The following ADGRA3 variants were observed in gnomAD, a reference collection of about 807,000 sequenced individuals.
ADGRA3 encodes the protein adhesion G protein-coupled receptor A3.
ADGRA3 carries 56 observed loss-of-function variants against 119.8 expected under a neutral mutation model. That is an observed-to-expected ratio of 0.47 (90% CI 0.38 to 0.58). The LOEUF is 0.58. ADGRA3 is among the 20% of genes least tolerant of loss of function. The pLI is 0.00. For synonymous variants in ADGRA3, 607 were observed against 623.8 expected (o/e 0.97, Z 0.40); for missense variants, 1,516 against 1,649.0 (o/e 0.92, Z 1.40).
chr4:22,468,693 TG>T (rs1458589021), intron 2 of ADGRA3, among the ~76,000 whole-genome samples: 1 of 151,014 alleles, frequency 6.6e-6, no homozygotes, highest in Non-Finnish European at 1.5e-5. Flanking sequence ...CGCTTGAACT[TG>T]GGAGGTGGAA....
At position 22,388,459 on chromosome 4, in the gene ADGRA3, T is replaced by G. The variant is rs1713946344; in HGVS notation, c.3212A>C (p.Gln1071Pro). The change falls in exon 19 of 19, where the codon CAA becomes CCA. Residue 1071 changes from glutamine to proline, a missense_variant. Physicochemically the swap from Gln to Pro is moderately conservative, Grantham distance 76. Transcript: ENST00000334304. ...AGAGTTGGGGGGCTGGACGTTGACT[T>G]GCACTGAATACGAGCTCCGTCCTGG... is the stretch of plus-strand genomic sequence containing the variant. The part of the protein sequence containing the change: ...CCPGRSSYSV[Q>P]VNVQPPNSNG... The G allele has an allele frequency of 1.2e-6, 2 of 1,613,960 alleles. No homozygotes were observed. The highest frequency in any genetic ancestry group is 8.5e-7 in the Non-Finnish European group (1 of 1,180,020).
At chr4:22,487,360 A>G (rs556592976) in intron 1 of ADGRA3, among the ~76,000 whole-genome samples, 1 of 152,282 alleles carries the variant, frequency 6.6e-6, no homozygotes, top group South Asian at 2.1e-4. Context: ...AGATTCTCAT[A>G]AAGAGCATGC....
chr4:22,408,762 T>A (rs1715060103), intron 14 of ADGRA3, among the ~76,000 whole-genome samples: 1 of 152,192 alleles, frequency 6.6e-6, no homozygotes, highest in Non-Finnish European at 1.5e-5. Flanking sequence ...ATGGAAAGCC[T>A]ACAATCTAGC....
intron 10 of ADGRA3, among the ~76,000 whole-genome samples, chr4:22,432,912 CAATTT>C (rs1425601942): frequency 2.0e-5 from 3 of 152,072 alleles, no homozygotes; most frequent in African/African-American, 7.2e-5. Context: ...ATACAAAAAT[CAATTT>C]AATTAATTAT....
chr4:22,509,691 T>C (rs748853208), intron 1 of ADGRA3, among the ~76,000 whole-genome samples: 8 of 151,814 alleles, frequency 5.3e-5, no homozygotes, highest in Non-Finnish European at 1.0e-4. Flanking sequence ...TGGGACAAGA[T>C]GGAGACTCAG....
chr4:22,405,086 G>T (rs7679885), intron 14 of ADGRA3, among the ~76,000 whole-genome samples: 120,462 of 151,952 alleles, frequency 0.79, 47,923 homozygotes, highest in East Asian at 0.96. Context: ...TCTTAGGGGG[G>T]TTGGAGAAGG....
intron 3 of ADGRA3, 87 bp downstream of exon 3, chr4:22,461,650 G>A: frequency 1.1e-6 from 1 of 942,634 alleles, no homozygotes; most frequent in Non-Finnish European, 1.6e-6. Context: ...ATTATTAAAT[G>A]TCCATTTTTC....
intron 1 of ADGRA3, among the ~76,000 whole-genome samples, chr4:22,513,143 CTTT>C (rs142313161): frequency 3.0e-5 from 4 of 133,486 alleles, no homozygotes; most frequent in Non-Finnish European, 4.7e-5. Flanking sequence ...CAACTTTCCT[CTTT>C]TTTTTTTTTT....
At chr4:22,439,989 G>A (rs981890528) in intron 7 of ADGRA3, among the ~76,000 whole-genome samples, 70 of 152,092 alleles carry the variant, frequency 4.6e-4, no homozygotes, top group African/African-American at 1.7e-3. Context: ...AATTTTTATT[G>A]TATTCTTAAA....
chr4:22,402,523 C>A, intron 15 of ADGRA3, 152 bp downstream of exon 15: 1 of 683,062 alleles, frequency 1.5e-6, no homozygotes. Flanking sequence ...TTTCTAATGG[C>A]ATGAAATGAA....
At chr4:22,398,369 T>C (rs1049184417) in intron 16 of ADGRA3, among the ~76,000 whole-genome samples, 2 of 152,090 alleles carry the variant, frequency 1.3e-5, no homozygotes, top group Non-Finnish European at 2.9e-5. Context: ...GTCTAATGAG[T>C]GGGCCCAGCA....
intron 12 of ADGRA3, among the ~76,000 whole-genome samples, chr4:22,414,906 A>G (rs1715369880): frequency 6.6e-6 from 1 of 152,172 alleles, no homozygotes; most frequent in Non-Finnish European, 1.5e-5. Context: ...CGGAAAGTGG[A>G]TTAGAATGAA....
chr4:22,481,773 C>T (rs1718268850), intron 1 of ADGRA3, among the ~76,000 whole-genome samples: 1 of 152,154 alleles, frequency 6.6e-6, no homozygotes, highest in Non-Finnish European at 1.5e-5. Flanking sequence ...TCTGTAAAAC[C>T]TAAAATATTT....
Position 22,413,805 on chromosome 4 carries a change from C to T in ADGRA3, c.1819G>A (p.Val607Met), listed in dbSNP as rs750591769. Residue 607 changes from valine to methionine, a missense_variant, in exon 13 of 19, where the codon GTG (valine) becomes ATG (methionine). Coordinates refer to ENST00000334304, the MANE Select transcript of ADGRA3 (RefSeq NM_145290.4). ...GGAGGAAGCTGAATAGAAGCCTCCA[C>T]AATAGTATTCTGAAAAAATATATAT... ...FSSLALKNTI[V>M]EASIQLPPSL... 5.6e-6 allele frequency: 9 copies of T among 1,601,326 alleles called. No homozygotes were observed. Among genetic ancestry groups the T allele is most frequent in the Non-Finnish European group, 7.7e-6 (9 of 1,175,454 alleles).
chr4:22,413,174 T>C lies in ADGRA3; in HGVS notation c.2232+8A>G, dbSNP rs1715283743. ...AGTGTTTATGCATAAAGTTAACAAC[T>C]GCCATACCATTAAAACTGCATAGTT... On this transcript the variant is annotated splice_region_variant and intron_variant, in intron 14 of 18. Coordinates refer to ENST00000334304, the MANE Select transcript of ADGRA3 (RefSeq NM_145290.4). 1 of 1,594,950 alleles carries C rather than the reference T, an allele frequency of 6.3e-7. No individual in the cohort carries two copies. The highest frequency in any genetic ancestry group is 1.3e-5 in the African/African-American group (1 of 74,576).
At chr4:22,496,560 C>T (rs996572888) in intron 1 of ADGRA3, among the ~76,000 whole-genome samples, 1 of 152,106 alleles carries the variant, frequency 6.6e-6, no homozygotes, top group Non-Finnish European at 1.5e-5. Context: ...TCCTGGGAAC[C>T]GCTATTAGAA....
Position 22,424,368 on chromosome 4 carries a change from G to GAAAAAAA in ADGRA3, c.1444-17_1444-16insTTTTTTT. ...CGTCACCTAGCTAGCAGGGGTTCAG[G>GAAAAAAA]AGAAAAAAGAAAGATCTTTAAAACC... On this transcript the variant is annotated splice_polypyrimidine_tract_variant and intron_variant, in intron 10 of 18. Coordinates refer to ENST00000334304, the MANE Select transcript of ADGRA3 (RefSeq NM_145290.4). The GAAAAAAA allele has an allele frequency of 6.2e-7, 1 of 1,602,704 alleles. No individual in the cohort carries two copies. Among genetic ancestry groups the GAAAAAAA allele is most frequent in the Admixed American group, 1.7e-5 (1 of 58,008 alleles).
intron 16 of ADGRA3, among the ~76,000 whole-genome samples, chr4:22,395,401 T>C (rs1445552428): frequency 6.6e-6 from 1 of 152,214 alleles, no homozygotes; most frequent in Admixed American, 6.5e-5. Flanking sequence ...AATTAAAATA[T>C]TAACAGCTTC....
chr4:22,388,153 T>G lies in ADGRA3; in HGVS notation c.3518A>C (p.Lys1173Thr). 1 of 1,614,132 alleles carries G rather than the reference T, an allele frequency of 6.2e-7. No individual in the cohort carries two copies. The highest frequency in any genetic ancestry group is 8.5e-7 in the Non-Finnish European group (1 of 1,180,002). Residue 1173 changes from lysine (K) to threonine (T), a missense_variant, in exon 19 of 19, where the codon AAA (lysine) becomes ACA (threonine). Lys to Thr is a moderately conservative substitution (Grantham distance 78, BLOSUM62 -1). Coordinates refer to ENST00000334304, the MANE Select transcript of ADGRA3 (RefSeq NM_145290.4). Reference sequence around the variant, plus strand: ...TGCCCGGTGTCCTTTACTTCTGTTTTTATGGTGGCGGCTTGAGTGCACATT... The same window carrying G: ...TGCCCGGTGTCCTTTACTTCTGTTTGTATGGTGGCGGCTTGAGTGCACATT... ...RTNVHSSRHHKNRSKGHRASR... is the reference protein window; with the variant it reads ...RTNVHSSRHHTNRSKGHRASR...
Sources: allele counts gnomAD v4.1 joint callset (sites outside exome capture counted in the v4.1 genomes callset), GRCh38; gene constraint gnomAD v4.1.1; transcripts MANE v1.5; gene names NCBI Gene and HGNC (gene_info 2026-07-23, HGNC 2026-07-21).